Variants in EDA2R observed in about 807,000 individuals in gnomAD.
EDA2R encodes the protein tumor necrosis factor receptor superfamily member 27.
EDA2R carries 26 observed loss-of-function variants against 20.1 expected under a neutral mutation model. The observed-to-expected ratio is 1.30, with a 90% CI of 0.95 to 1.80. The LOEUF (loss-of-function observed/expected upper bound fraction) is 1.80, where lower values mean the gene tolerates loss of function less well. Among genes scored for constraint, EDA2R ranks in the 40% most tolerant of loss-of-function variants. The pLI, the probability that EDA2R is intolerant of heterozygous loss-of-function variation, is 0.00. For synonymous variants in EDA2R, 114 were observed against 88.7 expected, an observed-to-expected ratio of 1.29 and a Z score of -1.60; for missense variants, 277 against 228.7, an observed-to-expected ratio of 1.21 and a Z score of -1.36.
chrX:66,631,979 C>T (rs1304746604), intron 1 of EDA2R, among the ~76,000 whole-genome samples: 1 of 111,885 alleles, frequency 8.9e-6, no homozygotes, highest in Admixed American at 9.5e-5. Context: ...TGCATAAAAA[C>T]ACCAGAATAA....
At chrX:66,631,032 C>T (rs1009836050) in intron 1 of EDA2R, among the ~76,000 whole-genome samples, 20 of 108,722 alleles carry the variant, frequency 1.8e-4, no homozygotes, top group South Asian at 8.1e-4. Context: ...TATACACACA[C>T]ATGTGTGTAT....
intron 4 of EDA2R, among the ~76,000 whole-genome samples, chrX:66,604,085 A>C (rs1301757175): frequency 9.0e-6 from 1 of 111,438 alleles, no homozygotes; most frequent in Non-Finnish European, 1.9e-5. Flanking sequence ...TCATATAATA[A>C]TAATATCTCA....
rs910846512 is a variant in EDA2R at position 66,598,058 on chromosome X, G to T, written c.*46C>A. Reference sequence around the variant, plus strand: ...GTGGTATAGGAACAGAGTCCAGAGAGAACAACTGGGCAAGGCTGCCAGGGG... The same window carrying T: ...GTGGTATAGGAACAGAGTCCAGAGATAACAACTGGGCAAGGCTGCCAGGGG... On this transcript the variant is annotated 3_prime_UTR_variant, in exon 7 of 7. Transcript: ENST00000374719. 5 of 967,337 alleles carry T rather than the reference G, an allele frequency of 5.2e-6. No individual in the cohort carries two copies. Among genetic ancestry groups the T allele is most frequent in the Non-Finnish European group, 6.6e-6 (5 of 753,353 alleles). 79.7% of individuals were successfully genotyped at this position (967,337 alleles called of 1,213,427 possible).
intron 2 of EDA2R, among the ~76,000 whole-genome samples, chrX:66,608,686 T>TCAGG (rs745521012): frequency 8.9e-6 from 1 of 112,168 alleles, no homozygotes; most frequent in South Asian, 3.7e-4. Context: ...AGAGAGTCCT[T>TCAGG]CAGGCTGAAA....
chrX:66,601,919 A>G (rs1440035581), intron 5 of EDA2R, among the ~76,000 whole-genome samples: 1 of 111,444 alleles, frequency 9.0e-6, no homozygotes, highest in Admixed American at 9.6e-5. Flanking sequence ...AGAGATCACA[A>G]TGTTACTGTG....
intron 2 of EDA2R, among the ~76,000 whole-genome samples, chrX:66,614,353 A>G (rs1931301658): frequency 8.9e-6 from 1 of 111,916 alleles, no homozygotes; most frequent in African/African-American, 3.2e-5. Flanking sequence ...TCCAGACTTC[A>G]TTACATAAAT....
At chrX:66,612,817 A>T (rs1931010849) in intron 2 of EDA2R, among the ~76,000 whole-genome samples, 1 of 111,803 alleles carries the variant, frequency 8.9e-6, no homozygotes, top group African/African-American at 3.2e-5. Flanking sequence ...TAAATGAATA[A>T]TTTTTAATAA....
In EDA2R at chrX:66,597,915, C is replaced by T; in HGVS notation, c.*189G>A. 1 of 559,831 alleles carries T rather than the reference C, an allele frequency of 1.8e-6. No homozygotes were observed. Among genetic ancestry groups the T allele is most frequent in the Non-Finnish European group, 2.4e-6 (1 of 419,952 alleles). 46.1% of individuals were successfully genotyped at this position (559,831 alleles called of 1,213,427 possible). On this transcript the variant is annotated 3_prime_UTR_variant, in exon 7 of 7. Coordinates refer to ENST00000374719, the MANE Select transcript of EDA2R (RefSeq NM_021783.5). ...GACTACAAAAGGGAAGCAAGAAATG[C>T]TCCAGATCAGTCCTTGTGAAATGGA... is the stretch of plus-strand genomic sequence containing the variant.
At chrX:66,625,627 C>T (rs1446473976) in intron 1 of EDA2R, among the ~76,000 whole-genome samples, 2 of 111,576 alleles carry the variant, frequency 1.8e-5, no homozygotes. Flanking sequence ...AGTTCTAGGG[C>T]CCCGTGTACT....
At position 66,602,721 on chromosome X, in the gene EDA2R, C is replaced by T. The variant is rs758239780; in HGVS notation, c.429G>A (p.Val143=). ...GGGTAAACACCACTAGCAGGCTGCT[C>T]ACCAGTGCAACAAGTGTGGCCTCCT... ...PPQEATLVAL[V]SSLLVVFTLA... Residue 143 remains valine, a synonymous_variant, in exon 5 of 7, where the codon GTG becomes GTA. Coordinates refer to ENST00000374719, the MANE Select transcript of EDA2R (RefSeq NM_021783.5). 8.3e-7 allele frequency: 1 copy of T among 1,199,919 alleles called. No individual in the cohort carries two copies. Among genetic ancestry groups the T allele is most frequent in the Non-Finnish European group, 1.1e-6 (1 of 889,127 alleles).
intron 1 of EDA2R, among the ~76,000 whole-genome samples, chrX:66,634,185 C>A (rs1372163433): frequency 2.7e-5 from 3 of 111,985 alleles, no homozygotes. Flanking sequence ...CATGTCTGTA[C>A]AAAATGAAAT....
At chrX:66,623,146 G>A (rs1276130495) in intron 1 of EDA2R, among the ~76,000 whole-genome samples, 1 of 112,355 alleles carries the variant, frequency 8.9e-6, no homozygotes, top group East Asian at 2.8e-4. Flanking sequence ...ACATTTTACA[G>A]TTCACCAAGT....
At chrX:66,634,914 A>C (rs1013486078) in intron 1 of EDA2R, among the ~76,000 whole-genome samples, 1 of 112,105 alleles carries the variant, frequency 8.9e-6, no homozygotes, top group Non-Finnish European at 1.9e-5. Context: ...GGTGGATCGT[A>C]GAAGGGAAGA....
intron 2 of EDA2R, among the ~76,000 whole-genome samples, chrX:66,606,334 A>G (rs1413149452): frequency 8.9e-6 from 1 of 112,212 alleles, no homozygotes; most frequent in Non-Finnish European, 1.9e-5. Flanking sequence ...TTTCTAGCCA[A>G]TGAAATATGG....
In EDA2R at chrX:66,596,116, A is replaced by G. The variant is rs1927405548; in HGVS notation, c.*1988T>C. 9.1e-6 allele frequency: 1 copy of G among 109,597 alleles called. No individual in the cohort carries two copies. The highest frequency in any genetic ancestry group is 2.9e-4 in the East Asian group (1 of 3,505). The allele number at this position is 109,597 out of a possible 1,213,427, so 9.0% of individuals were successfully genotyped here. ...TTTTTTTTTGCTAGTTCATTTAGAG[A>G]CAACTTAACTGCTGTTTAGGCTCAA... On this transcript the variant is annotated 3_prime_UTR_variant, in exon 7 of 7. Transcript: ENST00000374719.
At chrX:66,617,647 T>C (rs983389243) in intron 1 of EDA2R, among the ~76,000 whole-genome samples, 5 of 111,339 alleles carry the variant, frequency 4.5e-5, no homozygotes, top group Non-Finnish European at 9.4e-5. Flanking sequence ...TGACAACTGC[T>C]GCTGGCATTT....
At chrX:66,601,831 C>T (rs1928664087) in intron 5 of EDA2R, among the ~76,000 whole-genome samples, 1 of 111,453 alleles carries the variant, frequency 9.0e-6, no homozygotes, top group Admixed American at 9.6e-5. Context: ...GCCACATTCC[C>T]ACCTCCCCCA....
At position 66,599,559 on chromosome X, in the gene EDA2R, G is replaced by A. The variant is rs1928130501; in HGVS notation, c.819C>T (p.Thr273=). The stretch of plus-strand genomic sequence containing the variant: ...TGCTTTCGACTGTGTTTCCCCCCAA[G>A]GTCTCAGCTCCAGTATAGGAGGCAG... ...SSSASYTGAE[T]LGGNTVESTG... is the part of the protein sequence containing the mutation. Residue 273 remains threonine, a synonymous_variant, in exon 6 of 7, where the codon ACC becomes ACT. Transcript: ENST00000374719. 8.4e-7 allele frequency: 1 copy of A among 1,191,155 alleles called. No homozygotes were observed. Among genetic ancestry groups the A allele is most frequent in the Admixed American group, 2.3e-5 (1 of 43,230 alleles).
At chrX:66,628,549 T>G (rs185463389) in intron 1 of EDA2R, among the ~76,000 whole-genome samples, 1 of 110,923 alleles carries the variant, frequency 9.0e-6, no homozygotes, top group African/African-American at 3.3e-5. Context: ...CATTTCAGGC[T>G]ACTATGAACA....
Sources: gnomAD v4.1 joint callset for allele counts (sites outside exome capture counted in the v4.1 genomes callset) on GRCh38, gnomAD v4.1.1 for gene constraint, MANE v1.5 for transcripts, NCBI Gene and HGNC (gene_info 2026-07-23, HGNC 2026-07-21) for gene names.